Variants in AFG2A observed in about 807,000 individuals in gnomAD.
AFG2A encodes the protein ATPase family gene 2 protein homolog A.
chr4:122,940,161 T>G, the AFG2A span, among the ~76,000 whole-genome samples: 6 of 152,166 alleles, frequency 3.9e-5, no homozygotes, highest in Non-Finnish European at 7.3e-5. Flanking sequence ...ATGGGATGGC[T>G]GGGTCAAATG....
chr4:123,313,058 C>T, the AFG2A span, among the ~76,000 whole-genome samples: 1 of 152,214 alleles, frequency 6.6e-6, no homozygotes, highest in Non-Finnish European at 1.5e-5. Context: ...ATCCCACAAG[C>T]TCTTTTCACT....
chr4:123,107,048 A>T, the AFG2A span, among the ~76,000 whole-genome samples: 1 of 152,170 alleles, frequency 6.6e-6, no homozygotes, highest in Non-Finnish European at 1.5e-5. Flanking sequence ...TGCACCCGTG[A>T]CTGGACGAGG....
At chr4:123,170,999 C>A in the AFG2A span, among the ~76,000 whole-genome samples, 6 of 152,078 alleles carry the variant, frequency 3.9e-5, no homozygotes, top group Non-Finnish European at 8.8e-5. Context: ...TAGAACGGTA[C>A]CTCATAGTTA....
the AFG2A span, among the ~76,000 whole-genome samples, chr4:123,189,302 A>G: frequency 6.6e-6 from 1 of 152,068 alleles, no homozygotes; most frequent in African/African-American, 2.4e-5. Flanking sequence ...TTCATTCTTT[A>G]TCATCTGCTC....
At chr4:122,990,299 C>T in the AFG2A span, among the ~76,000 whole-genome samples, 2 of 152,156 alleles carry the variant, frequency 1.3e-5, no homozygotes, top group Non-Finnish European at 2.9e-5. Context: ...GTAGAAAACT[C>T]CTATTCTGCC....
the AFG2A span, among the ~76,000 whole-genome samples, chr4:123,245,196 G>A: frequency 6.6e-6 from 1 of 152,230 alleles, no homozygotes; most frequent in South Asian, 2.1e-4. Flanking sequence ...GCCTGGAGGG[G>A]TCAAATAACA....
chr4:123,112,309 A>G, the AFG2A span, among the ~76,000 whole-genome samples: 1 of 152,190 alleles, frequency 6.6e-6, no homozygotes, highest in East Asian at 1.9e-4. Flanking sequence ...AAGAAAAACA[A>G]AAATAATTGA....
the AFG2A span, among the ~76,000 whole-genome samples, chr4:122,961,353 A>G: frequency 1.3e-5 from 2 of 152,176 alleles, no homozygotes; most frequent in African/African-American, 4.8e-5. Flanking sequence ...AGTGTTCTTG[A>G]TTATCCTAGT....
chr4:123,232,761 A>G, the AFG2A span, among the ~76,000 whole-genome samples: 56 of 152,020 alleles, frequency 3.7e-4, no homozygotes, highest in African/African-American at 1.3e-3. Context: ...TTGCAGTGCA[A>G]TGTTATGTCG....
At chr4:123,001,364 G>C in the AFG2A span, among the ~76,000 whole-genome samples, 51 of 151,898 alleles carry the variant, frequency 3.4e-4, no homozygotes, top group South Asian at 1.0e-3. Context: ...TGTGTTTGCT[G>C]TTGCTTTTCT....
At chr4:123,032,972 A>G in the AFG2A span, among the ~76,000 whole-genome samples, 1 of 152,200 alleles carries the variant, frequency 6.6e-6, no homozygotes, top group African/African-American at 2.4e-5. Context: ...ATGACTTAGG[A>G]TATTTTCAAT....
the AFG2A span, among the ~76,000 whole-genome samples, chr4:123,182,623 A>G: frequency 1.3e-3 from 202 of 152,252 alleles, 2 homozygotes; most frequent in Non-Finnish European, 1.1e-3. Flanking sequence ...CTTAGTTTGC[A>G]TTTGCTCCAT....
the AFG2A span, among the ~76,000 whole-genome samples, chr4:122,969,725 A>G: frequency 1.3e-5 from 2 of 152,136 alleles, no homozygotes; most frequent in Non-Finnish European, 2.9e-5. Flanking sequence ...AGATTCCTTC[A>G]TTTTATTTTA....
At chr4:123,006,434 T>C in the AFG2A span, among the ~76,000 whole-genome samples, 1 of 152,126 alleles carries the variant, frequency 6.6e-6, no homozygotes, top group African/African-American at 2.4e-5. Context: ...CTTACAGTGT[T>C]AGTCAAATTT....
At chr4:123,269,183 T>A in the AFG2A span, among the ~76,000 whole-genome samples, 1 of 152,200 alleles carries the variant, frequency 6.6e-6, no homozygotes, top group Admixed American at 6.5e-5. Context: ...AATAGCAGAA[T>A]CTTTCCCCTC....
chr4:123,264,223 G>T, the AFG2A span, among the ~76,000 whole-genome samples: 1 of 152,062 alleles, frequency 6.6e-6, no homozygotes, highest in African/African-American at 2.4e-5. Context: ...AGGGTGTGAG[G>T]GGAGTGAGGG....
the AFG2A span, among the ~76,000 whole-genome samples, chr4:123,187,512 A>G: frequency 1.3e-5 from 2 of 152,304 alleles, no homozygotes; most frequent in East Asian, 1.9e-4. Flanking sequence ...TGGAGACAAT[A>G]TAGTCTTTAA....
the AFG2A span, among the ~76,000 whole-genome samples, chr4:123,113,888 C>T: frequency 5.3e-5 from 8 of 152,048 alleles, no homozygotes; most frequent in South Asian, 4.1e-4. Context: ...CAGGTCATCT[C>T]GTTGAGTGTT....
At chr4:122,990,423 T>C in the AFG2A span, among the ~76,000 whole-genome samples, 1 of 152,226 alleles carries the variant, frequency 6.6e-6, no homozygotes, top group African/African-American at 2.4e-5. Flanking sequence ...TTGTATCCTT[T>C]ACCTCACTGT....
Sources: allele counts gnomAD v4.1 joint callset (sites outside exome capture counted in the v4.1 genomes callset), GRCh38; gene constraint gnomAD v4.1.1; transcripts MANE v1.5; gene names NCBI Gene and HGNC (gene_info 2026-07-23, HGNC 2026-07-21).